Variants in VPS13B observed in about 807,000 individuals in gnomAD.
VPS13B encodes intermembrane lipid transfer protein VPS13B.
In VPS13B, 285 loss-of-function variants were observed where a neutral mutation model predicts 426.4. The observed-to-expected ratio is 0.67, with a 90% CI of 0.61 to 0.74. The LOEUF is 0.74. Among genes scored for constraint, VPS13B ranks in the 30% least tolerant of loss-of-function variants. VPS13B has a pLI of 0.00. For missense variants in VPS13B, 4,537 were observed against 4,782.6 expected, an observed-to-expected ratio of 0.95 and a Z score of 1.51; for synonymous variants, 1,676 against 1,676.4, an observed-to-expected ratio of 1.00 and a Z score of 0.01.
At chr8:99,366,920 A>G (rs868191770) in intron 19 of VPS13B, among the ~76,000 whole-genome samples, 1 of 151,908 alleles carries the variant, frequency 6.6e-6, no homozygotes, top group Non-Finnish European at 1.5e-5. Context: ...TTGCTTTTTA[A>G]CTTTTTGTTT....
In VPS13B at chr8:99,360,206, CTCTCTT is replaced by C. The variant is rs1447702597; in HGVS notation, c.2825-23998_2825-23993del. ...TCTTTCTTTCTCTCTCTCTCTCTCT[CTCTCTT>C]TCTTTCTTTCTTTCTTTCTTTCTCT... is the stretch of plus-strand genomic sequence containing the variant. On this transcript the variant is annotated intron_variant, in intron 19 of 61. Coordinates refer to ENST00000357162, the MANE Select transcript of VPS13B (RefSeq NM_152564.5). Among the ~76,000 whole-genome samples, 68 of 34,966 alleles carry C rather than the reference CTCTCTT, an allele frequency of 1.9e-3. 4 individuals are homozygous for C. The highest frequency in any genetic ancestry group is 7.4e-3 in the African/African-American group (58 of 7,884). The allele number at this position is 34,966 out of a possible 152,430, so 22.9% of individuals were successfully genotyped here. A position where few individuals can be genotyped will look rare whatever the true frequency, so the allele number is the denominator to read the frequency against.
At chr8:99,467,690 T>G in intron 24 of VPS13B, 56 bp downstream of exon 24, 1 of 1,552,586 alleles carries the variant, frequency 6.4e-7, no homozygotes, top group African/African-American at 1.5e-5. Context: ...TAAAAGCAAT[T>G]GTTATCCATT....
chr8:99,695,433 T>C (rs1022279603), intron 35 of VPS13B, among the ~76,000 whole-genome samples: 63 of 149,750 alleles, frequency 4.2e-4, no homozygotes, highest in African/African-American at 1.3e-3. Flanking sequence ...TCATTCTCAG[T>C]AAACTATCGC....
At position 99,418,956 on chromosome 8, in the gene VPS13B, A is replaced by G. The variant is rs553622458; in HGVS notation, c.3083-12581A>G. Reference sequence around the variant, plus strand: ...ACTCTGTCATCTTCCTTCAGGTCCTACTGAACCATTTCTCTCGCAAAGGCC... The same window carrying G: ...ACTCTGTCATCTTCCTTCAGGTCCTGCTGAACCATTTCTCTCGCAAAGGCC... On this transcript the variant is annotated intron_variant, in intron 21 of 61. Transcript: ENST00000357162. Among the ~76,000 whole-genome samples the G allele has an allele frequency of 7.2e-5, 11 of 152,274 alleles. No homozygotes were observed. In the East Asian group the frequency reaches 9.6e-4, roughly 13 times the overall value.
intron 30 of VPS13B, among the ~76,000 whole-genome samples, chr8:99,525,099 A>G (rs537468065): frequency 5.9e-5 from 9 of 152,362 alleles, no homozygotes; most frequent in South Asian, 2.1e-4. Flanking sequence ...CTGAAGGTAC[A>G]GAACTCACTG....
Position 99,853,529 on chromosome 8 carries a change from C to T in VPS13B, c.10140C>T (p.His3380=), listed in dbSNP as rs1309702539. The change falls in exon 56 of 62, where the codon CAC becomes CAT. Residue 3380 remains histidine, a synonymous_variant. Coordinates refer to ENST00000357162, the MANE Select transcript of VPS13B (RefSeq NM_152564.5). ...CAGTGTTTGATGACCTCACCCACCACAAAGCATCAGCTGAGCTTCTGAGAC... is the reference window on the plus strand; with the variant it reads ...CAGTGTTTGATGACCTCACCCACCATAAAGCATCAGCTGAGCTTCTGAGAC... The part of the protein sequence containing the change: ...SLAVFDDLTH[H]KASAELLRLT... 1.2e-6 allele frequency: 2 copies of T among 1,614,180 alleles called. No homozygotes were observed. Among genetic ancestry groups the T allele is most frequent in the East Asian group, 2.2e-5 (1 of 44,880 alleles).
chr8:99,303,768 C>A lies in VPS13B; in HGVS notation c.2824+28514C>A, dbSNP rs977752230. Among the ~76,000 whole-genome samples, 8 of 129,202 alleles carry A rather than the reference C, an allele frequency of 6.2e-5. No individual in the cohort carries two copies. In the South Asian group the frequency reaches 1.1e-3, roughly 18 times the overall value. The allele number at this position is 129,202 out of a possible 152,430, so 84.8% of individuals were successfully genotyped here. On this transcript the variant is annotated intron_variant, in intron 19 of 61. Coordinates refer to ENST00000357162, the MANE Select transcript of VPS13B (RefSeq NM_152564.5). ...AAAAAAAAAGAATATATGTTTCTTT[C>A]TTGTGATTGTGTGTTGCTGTGGTTC...
intron 35 of VPS13B, among the ~76,000 whole-genome samples, chr8:99,669,464 C>T (rs1281338223): frequency 6.6e-6 from 1 of 151,980 alleles, no homozygotes; most frequent in Non-Finnish European, 1.5e-5. Flanking sequence ...ACAAAAATGC[C>T]ACATTGGGAA....
chr8:99,444,035 C>T (rs1588386552), intron 23 of VPS13B, among the ~76,000 whole-genome samples: 1 of 151,040 alleles, frequency 6.6e-6, no homozygotes, highest in Admixed American at 6.6e-5. Flanking sequence ...TTCTAGCCAT[C>T]CTAGACAATA....
rs1051712006 is a variant in VPS13B, at chr8:99,261,408, A to G, written c.2516-12790A>G. Among the ~76,000 whole-genome samples, 45 of 152,080 alleles carry G rather than the reference A, an allele frequency of 3.0e-4. 1 individual carries two copies. Among genetic ancestry groups the G allele is most frequent in the African/African-American group, 1.1e-3 (44 of 41,514 alleles). On this transcript the variant is annotated intron_variant, in intron 17 of 61. Transcript: ENST00000357162. ...GTGCGTTATCATGGCTTGATAGCTC[A>G]TTTCTTTTTAGCAATAATATTTCTT...
At chr8:99,486,742 G>T (rs1236431644) in intron 25 of VPS13B, among the ~76,000 whole-genome samples, 1 of 151,992 alleles carries the variant, frequency 6.6e-6, no homozygotes, top group Non-Finnish European at 1.5e-5. Flanking sequence ...TCAACCCCTC[G>T]ACCCTTATCT....
chr8:99,086,995 G>C (rs566434380), intron 3 of VPS13B, among the ~76,000 whole-genome samples: 1 of 152,322 alleles, frequency 6.6e-6, no homozygotes, highest in South Asian at 2.1e-4. Context: ...GTCAGACAGG[G>C]ACATTTAAGT....
intron 30 of VPS13B, among the ~76,000 whole-genome samples, chr8:99,529,157 G>A (rs1176027504): frequency 6.6e-6 from 1 of 151,824 alleles, no homozygotes; most frequent in East Asian, 1.9e-4. Flanking sequence ...CAACACCAAA[G>A]TGTATGCAAT....
chr8:99,633,136 C>T lies in VPS13B; in HGVS notation c.5221-8675C>T, dbSNP rs1828916273. Among the ~76,000 whole-genome samples, 9 of 152,008 alleles carry T rather than the reference C, an allele frequency of 5.9e-5. No homozygotes were observed. In the South Asian group the frequency reaches 1.9e-3, roughly 32 times the overall value. ...GCATGTCTTTTTCTTGCTTCATTTC[C>T]ATGAATCCTACATAATTTCTTTAAA... On this transcript the variant is annotated intron_variant, in intron 33 of 61. Coordinates refer to ENST00000357162, the MANE Select transcript of VPS13B (RefSeq NM_152564.5).
rs2132554032 is a variant in VPS13B at position 99,134,670 on chromosome 8, A to G, written c.1245A>G (p.Pro415=). The G allele has an allele frequency of 1.2e-6, 2 of 1,610,454 alleles. No homozygotes were observed. Among genetic ancestry groups the G allele is most frequent in the Non-Finnish European group, 8.5e-7 (1 of 1,178,076 alleles). Residue 415 remains proline, a synonymous_variant, in exon 9 of 62, where the codon CCA becomes CCG. Transcript: ENST00000357162. ...EMQVESSYYS[P]QKVKSKEVLC... is the part of the protein sequence containing the mutation. ...AAGTTGAGAGTAGTTATTACAGTCC[A>G]CAGAAAGTAAAATCTAAAGAAGTAT...
chr8:99,456,533 A>G (rs1818472549), intron 23 of VPS13B, among the ~76,000 whole-genome samples: 1 of 152,174 alleles, frequency 6.6e-6, no homozygotes, highest in Non-Finnish European at 1.5e-5. Flanking sequence ...TTTTTTGAAT[A>G]TATTGACATC....
At chr8:99,089,890 T>C (rs569555540) in intron 3 of VPS13B, among the ~76,000 whole-genome samples, 7 of 152,316 alleles carry the variant, frequency 4.6e-5, no homozygotes, top group African/African-American at 1.7e-4. Flanking sequence ...TTGATTTCTT[T>C]CAGGGCCTGT....
At chr8:99,140,249 C>A (rs1438116810) in intron 12 of VPS13B, among the ~76,000 whole-genome samples, 1 of 151,380 alleles carries the variant, frequency 6.6e-6, no homozygotes, top group African/African-American at 2.4e-5. Flanking sequence ...CCTGTAATCC[C>A]AGCTACTTGG....
At chr8:99,163,419 G>T (rs1326769401) in intron 15 of VPS13B, among the ~76,000 whole-genome samples, 1 of 152,220 alleles carries the variant, frequency 6.6e-6, no homozygotes, top group Non-Finnish European at 1.5e-5. Context: ...CCCTTGGGTG[G>T]TCGATGGGAC....
Sources: gnomAD v4.1 joint callset for allele counts (sites outside exome capture counted in the v4.1 genomes callset) on GRCh38, gnomAD v4.1.1 for gene constraint, MANE v1.5 for transcripts, NCBI Gene and HGNC (gene_info 2026-07-23, HGNC 2026-07-21) for gene names.